Variants in EXOSC9 observed in about 807,000 individuals in gnomAD.
EXOSC9 encodes the protein exosome complex component RRP45.
EXOSC9 carries 38 observed loss-of-function variants against 56.5 expected under a neutral mutation model. The ratio of observed to expected loss-of-function variants is 0.67; its 90% CI spans 0.52 to 0.88. The LOEUF is 0.88. Ranked by LOEUF, EXOSC9 falls within the 40% of genes least tolerant of loss-of-function variation. The probability of loss-of-function intolerance (pLI) is 0.00; values close to 1 mark genes in which losing one functional copy is unlikely to be tolerated. For synonymous variants in EXOSC9, 170 were observed against 170.8 expected, an observed-to-expected ratio of 0.99 and a Z score of 0.04; for missense variants, 559 against 530.5, an observed-to-expected ratio of 1.05 and a Z score of -0.53.
In EXOSC9 at chr4:121,801,474, C is replaced by T; in HGVS notation, c.50C>T (p.Ala17Val). 2 of 1,614,186 alleles carry T rather than the reference C, an allele frequency of 1.2e-6. No homozygotes were observed. Among genetic ancestry groups the T allele is most frequent in the Admixed American group, 1.7e-5 (1 of 60,028 alleles). Residue 17 changes from alanine to valine, a missense_variant, in exon 1 of 12, where the codon GCC (alanine) becomes GTC (valine). By Grantham distance (64) the Ala-to-Val change is moderately conservative. Transcript: ENST00000243498. Reference protein sequence around the residue: ...SNCERRFLLRAIEEKKRLDGR... With the variant: ...SNCERRFLLRVIEEKKRLDGR... ...TGCGAACGCCGCTTCCTACTCCGTG[C>T]CATCGAAGAGAAGAAGGTATGGTTT... is the stretch of plus-strand genomic sequence containing the variant.
chr4:121,809,352 TTTAA>T lies in EXOSC9; in HGVS notation c.606-609_606-606del, dbSNP rs1727138469. Among the ~76,000 whole-genome samples the T allele has an allele frequency of 3.9e-5, 6 of 152,204 alleles. No homozygotes were observed. In the South Asian group the frequency reaches 8.3e-4, roughly 21 times the overall value. ...AAGGTAAAATTAATTTTTATATATT[TTTAA>T]TTAATATATTTTCACGTTAATGAAA... On this transcript the variant is annotated intron_variant, in intron 6 of 11. Transcript: ENST00000243498.
At position 121,811,650 on chromosome 4, in the gene EXOSC9, T is replaced by A; in HGVS notation, c.806T>A (p.Leu269Ter). The A allele has an allele frequency of 6.4e-7, 1 of 1,574,298 alleles. No individual in the cohort carries two copies. Among genetic ancestry groups the A allele is most frequent in the Non-Finnish European group, 8.6e-7 (1 of 1,160,062 alleles). Reference protein sequence around the residue: ...AEITELILKALENDQKVRKEG... With the variant: ...AEITELILKA Reference sequence around the variant, plus strand: ...ATTACAGAGCTAATATTGAAAGCTTTGGAGAATGACCAAAAAGTAAGGTAA... The same window carrying A: ...ATTACAGAGCTAATATTGAAAGCTTAGGAGAATGACCAAAAAGTAAGGTAA... Residue 269 changes from leucine to a stop codon, truncating the protein, a stop_gained, in exon 8 of 12, where the codon TTG becomes TAG. Coordinates refer to ENST00000243498, the MANE Select transcript of EXOSC9 (RefSeq NM_005033.3). LOFTEE classifies it high-confidence loss of function.
At position 121,801,834 on chromosome 4, in the gene EXOSC9, A is replaced by T. The variant is rs775600575; in HGVS notation, c.74A>T (p.Asp25Val). 2 of 1,612,912 alleles carry T rather than the reference A, an allele frequency of 1.2e-6. No homozygotes were observed. Among genetic ancestry groups the T allele is most frequent in the Admixed American group, 3.3e-5 (2 of 60,024 alleles). The change falls in exon 2 of 12, where the codon GAT (aspartate) becomes GTT (valine). Residue 25 changes from aspartate to valine, a missense_variant. Asp to Val is a radical substitution (Grantham distance 152, BLOSUM62 -3). Transcript: ENST00000243498. ...LRAIEEKKRL[D>V]GRQTYDYRNI... is the part of the protein sequence containing the mutation. ...ATGAATTTGTGCTTACAGCGGCTGG[A>T]TGGCAGACAAACCTATGATTATAGG...
chr4:121,801,410 C>G lies in EXOSC9; in HGVS notation c.-15C>G. The G allele has an allele frequency of 2.5e-6, 4 of 1,612,922 alleles. No individual in the cohort carries two copies. Among genetic ancestry groups the G allele is most frequent in the East Asian group, 2.2e-5 (1 of 44,870 alleles). On this transcript the variant is annotated 5_prime_UTR_variant, in exon 1 of 12. Coordinates refer to ENST00000243498, the MANE Select transcript of EXOSC9 (RefSeq NM_005033.3). The stretch of plus-strand genomic sequence containing the variant: ...CCGCGGATTCTGGTGCCTGTGGGGC[C>G]GGTGACCCAACACCATGAAGGAAAC...
In EXOSC9 at chr4:121,811,648, T is replaced by G; in HGVS notation, c.804T>G (p.Ala268=). 1 of 1,577,744 alleles carries G rather than the reference T, an allele frequency of 6.3e-7. No homozygotes were observed. Among genetic ancestry groups the G allele is most frequent in the Non-Finnish European group, 8.6e-7 (1 of 1,161,488 alleles). The change falls in exon 8 of 12, where the codon GCT becomes GCG. Residue 268 remains alanine, a synonymous_variant. Coordinates refer to ENST00000243498, the MANE Select transcript of EXOSC9 (RefSeq NM_005033.3). ...AAATTACAGAGCTAATATTGAAAGC[T>G]TTGGAGAATGACCAAAAAGTAAGGT... The part of the protein sequence containing the change: ...VAEITELILK[A]LENDQKVRKE...
Position 121,811,678 on chromosome 4 carries a change from A to G in EXOSC9, c.827+7A>G, listed in dbSNP as rs1296207648. 1.4e-6 allele frequency: 2 copies of G among 1,440,504 alleles called. No individual in the cohort carries two copies. Among genetic ancestry groups the G allele is most frequent in the Middle Eastern group, 2.3e-4 (1 of 4,362 alleles). The allele number at this position is 1,440,504 out of a possible 1,614,324, so 89.2% of individuals were successfully genotyped here. A position where few individuals can be genotyped will look rare whatever the true frequency, so the allele number is the denominator to read the frequency against. ...AGAATGACCAAAAAGTAAGGTAAGTAACTTTTCCAGAACTAAGTGGTCTTT... is the reference window on the plus strand; with the variant it reads ...AGAATGACCAAAAAGTAAGGTAAGTGACTTTTCCAGAACTAAGTGGTCTTT... On this transcript the variant is annotated splice_region_variant and intron_variant, in intron 8 of 11. Coordinates refer to ENST00000243498, the MANE Select transcript of EXOSC9 (RefSeq NM_005033.3).
Position 121,813,394 on chromosome 4 carries a change from G to C in EXOSC9, c.974+14G>C, listed in dbSNP as rs1192912942. 1.2e-6 allele frequency: 2 copies of C among 1,609,500 alleles called. No homozygotes were observed. Among genetic ancestry groups the C allele is most frequent in the Admixed American group, 3.4e-5 (2 of 58,842 alleles). On this transcript the variant is annotated intron_variant, in intron 9 of 11. Transcript: ENST00000243498. Reference sequence around the variant, plus strand: ...TCCTTCAGAAGTGTATCTTTATTTGGTGGTTTTTGCAGTAACAAGATTCAT... The same window carrying C: ...TCCTTCAGAAGTGTATCTTTATTTGCTGGTTTTTGCAGTAACAAGATTCAT...
At chr4:121,813,680 T>C (rs912357495) in intron 9 of EXOSC9, 186 bp from the exon 10 acceptor site, 11 of 533,486 alleles carry the variant, frequency 2.1e-5, no homozygotes, top group African/African-American at 1.7e-4. Flanking sequence ...ATCCATAAAA[T>C]CTTGCCTGAG....
chr4:121,804,827 C>T lies in EXOSC9; in HGVS notation c.522+68C>T, dbSNP rs190537072. 246 of 1,363,302 alleles carry T rather than the reference C, an allele frequency of 1.8e-4. 1 individual carries two copies. The Middle Eastern group carries it at 2.1e-3, about 12-fold the overall frequency. The allele number at this position is 1,363,302 out of a possible 1,614,324, so 84.5% of individuals were successfully genotyped here. A position where few individuals can be genotyped will look rare whatever the true frequency, so the allele number is the denominator to read the frequency against. ...AGGAGGGTCTTAAATGTGCAGGCAA[C>T]TTGTTTTTAGTGAAGTTATGTTGTA... On this transcript the variant is annotated intron_variant, in intron 5 of 11. Coordinates refer to ENST00000243498, the MANE Select transcript of EXOSC9 (RefSeq NM_005033.3).
At position 121,813,633 on chromosome 4, in the gene EXOSC9, TGAG is replaced by T. The variant is rs1350725587; in HGVS notation, c.975-232_975-230del. 3 of 534,158 alleles carry T rather than the reference TGAG, an allele frequency of 5.6e-6. No homozygotes were observed. In the African/African-American group the frequency reaches 5.7e-5, roughly 10 times the overall value. 33.1% of individuals were successfully genotyped at this position (534,158 alleles called of 1,614,324 possible). A position where few individuals can be genotyped will look rare whatever the true frequency, so the allele number is the denominator to read the frequency against. On this transcript the variant is annotated intron_variant, in intron 9 of 11. Coordinates refer to ENST00000243498, the MANE Select transcript of EXOSC9 (RefSeq NM_005033.3). The stretch of plus-strand genomic sequence containing the variant: ...TAATTTAGTACTATAACTAAAATGT[TGAG>T]AGAATCTGTCTCTTCACATTTCTTA...
chr4:121,804,132 C>G (rs116284947), intron 4 of EXOSC9, among the ~76,000 whole-genome samples: 2,425 of 151,540 alleles, frequency 0.016, 86 homozygotes, highest in African/African-American at 0.056. Flanking sequence ...TCCCGAATAG[C>G]TAGGACTATA....
intron 6 of EXOSC9, chr4:121,809,716 A>T (rs1727152230): frequency 2.0e-6 from 1 of 502,168 alleles, no homozygotes; most frequent in Non-Finnish European, 3.6e-6. Context: ...ATTATATATC[A>T]TTTAAGTAAA....
rs3217780 is a variant in EXOSC9 at position 121,816,123 on chromosome 4, T to C, written c.1157-246T>C. ...AGCACATGCCACCACGCCTGGCTAA[T>C]TTTTCTATTATTTTTAATAGAGCTG... On this transcript the variant is annotated intron_variant, in intron 10 of 11. Transcript: ENST00000243498. 0.3 allele frequency: 187,216 copies of C among 629,680 alleles called. 29,783 individuals are homozygous for C. The highest frequency in any genetic ancestry group is 0.32 in the Non-Finnish European group (118,248 of 369,836). 39.0% of individuals were successfully genotyped at this position (629,680 alleles called of 1,614,324 possible).
intron 4 of EXOSC9, among the ~76,000 whole-genome samples, chr4:121,803,546 G>A (rs955435216): frequency 1.5e-4 from 23 of 151,922 alleles, no homozygotes; most frequent in Admixed American, 5.2e-4. Flanking sequence ...ATTTTATTTT[G>A]TTTTATTTTT....
intron 5 of EXOSC9, among the ~76,000 whole-genome samples, chr4:121,806,973 C>T (rs1388489645): frequency 6.6e-6 from 1 of 152,102 alleles, no homozygotes; most frequent in African/African-American, 2.4e-5. Flanking sequence ...TATACATTTA[C>T]TAAAAATTGA....
chr4:121,801,723 G>A, intron 1 of EXOSC9, 104 bp from the exon 2 acceptor site: 2 of 1,003,996 alleles, frequency 2.0e-6, no homozygotes, highest in East Asian at 2.5e-5. Flanking sequence ...GGCTGGTTAG[G>A]ATTCCACTTT....
chr4:121,808,892 CTG>C (rs974484045), intron 6 of EXOSC9, among the ~76,000 whole-genome samples: 2 of 152,004 alleles, frequency 1.3e-5, no homozygotes, highest in Admixed American at 6.6e-5. Flanking sequence ...CCAGGATGGT[CTG>C]AAGCTCCTGG....
chr4:121,810,009 G>A lies in EXOSC9; in HGVS notation c.648G>A (p.Val216=). ...ATCCCAATGAACGAGAAGAACGTGT[G>A]ATGGATGGCTTGCTGGTGATTGCCA... is the stretch of plus-strand genomic sequence containing the variant. ...LVDPNEREER[V]MDGLLVIAMN... is the part of the protein sequence containing the mutation. Residue 216 remains valine, a synonymous_variant, in exon 7 of 12, where the codon GTG becomes GTA. Transcript: ENST00000243498. The A allele has an allele frequency of 6.2e-7, 1 of 1,614,060 alleles. No homozygotes were observed. The highest frequency in any genetic ancestry group is 8.5e-7 in the Non-Finnish European group (1 of 1,179,900).
chr4:121,807,102 G>T (rs1303770983), intron 5 of EXOSC9, among the ~76,000 whole-genome samples: 1 of 152,166 alleles, frequency 6.6e-6, no homozygotes, highest in East Asian at 1.9e-4. Context: ...AGACCAGCCT[G>T]ACCAACATGG....
Sources: gnomAD v4.1 joint callset for allele counts (sites outside exome capture counted in the v4.1 genomes callset) on GRCh38, gnomAD v4.1.1 for gene constraint, MANE v1.5 for transcripts, NCBI Gene and HGNC (gene_info 2026-07-23, HGNC 2026-07-21) for gene names.